The following CALN1 variants were observed in gnomAD, a reference collection of about 807,000 sequenced individuals.
CALN1 encodes calcium-binding protein 8.
A neutral mutation model predicts 30.6 loss-of-function variants in CALN1; 17 were observed. The ratio of observed to expected loss-of-function variants is 0.56; its 90% CI spans 0.38 to 0.83. CALN1 has a LOEUF of 0.83. Among genes scored for constraint, CALN1 ranks in the 40% least tolerant of loss-of-function variants. The pLI is 0.00. For missense variants in CALN1, 291 were observed against 354.9 expected, an observed-to-expected ratio of 0.82 and a Z score of 1.45; for synonymous variants, 156 against 131.4, an observed-to-expected ratio of 1.19 and a Z score of -1.28.
chr7:72,233,779 G>A (rs472884), intron 3 of CALN1, among the ~76,000 whole-genome samples: 1,631 of 152,180 alleles, frequency 0.011, 27 homozygotes, highest in African/African-American at 0.037. Context: ...CGAGGCAGGC[G>A]GATAATCTGA....
At chr7:72,326,211 A>G (rs1801266169) in intron 2 of CALN1, among the ~76,000 whole-genome samples, 1 of 152,074 alleles carries the variant, frequency 6.6e-6, no homozygotes, top group Admixed American at 6.6e-5. Context: ...CCTTAATTTA[A>G]CTATTGAAAG....
At position 72,027,608 on chromosome 7, in the gene CALN1, C is replaced by T. The variant is rs538313483; in HGVS notation, c.389-3839G>A. On this transcript the variant is annotated intron_variant, in intron 4 of 6. Coordinates refer to ENST00000395275, the MANE Select transcript of CALN1 (RefSeq NM_031468.4). ...CACCTGTAGTCCCAGCTACGTGGGA[C>T]GCAGAAGCAGGAAAATCACTTGAGC... Among the ~76,000 whole-genome samples, 179 of 148,122 alleles carry T rather than the reference C, an allele frequency of 1.2e-3. 1 individual carries two copies. Among genetic ancestry groups the T allele is most frequent in the African/African-American group, 4.0e-3 (160 of 40,226 alleles).
At chr7:72,402,833 G>C (rs1167275474) in intron 2 of CALN1, among the ~76,000 whole-genome samples, 1 of 152,184 alleles carries the variant, frequency 6.6e-6, no homozygotes. Flanking sequence ...TGTGATCTCA[G>C]TCAAGCTGCC....
At chr7:72,246,758 T>TTTC in intron 3 of CALN1, among the ~76,000 whole-genome samples, 1 of 146,456 alleles carries the variant, frequency 6.8e-6, no homozygotes, top group East Asian at 2.0e-4. Context: ...GAACAATTTT[T>TTTC]TTTTTTTTTT....
intron 4 of CALN1, among the ~76,000 whole-genome samples, chr7:72,093,062 T>C (rs767966772): frequency 1.6e-4 from 25 of 152,046 alleles, no homozygotes; most frequent in Non-Finnish European, 3.2e-4. Context: ...CTGAAACAGC[T>C]CTGAAAACAA....
chr7:72,130,942 G>C (rs1299732763), intron 3 of CALN1, among the ~76,000 whole-genome samples: 2 of 152,282 alleles, frequency 1.3e-5, no homozygotes, highest in East Asian at 1.9e-4. Context: ...CAAAGAGCTT[G>C]TCTCAATCAG....
intron 3 of CALN1, among the ~76,000 whole-genome samples, chr7:72,154,051 T>C (rs942316431): frequency 2.0e-5 from 3 of 152,070 alleles, no homozygotes; most frequent in Non-Finnish European, 2.9e-5. Context: ...AGACTGGATC[T>C]CATGATGAGA....
At chr7:72,199,271 T>C (rs1791248862) in intron 3 of CALN1, among the ~76,000 whole-genome samples, 1 of 152,046 alleles carries the variant, frequency 6.6e-6, no homozygotes, top group African/African-American at 2.4e-5. Flanking sequence ...CGAGACCCTG[T>C]CTCAAACAAC....
intron 4 of CALN1, among the ~76,000 whole-genome samples, chr7:72,056,210 A>T (rs1259908125): frequency 6.6e-6 from 1 of 152,200 alleles, no homozygotes; most frequent in Admixed American, 6.6e-5. Context: ...TCCCTATGGA[A>T]TTTTTTTGGA....
intron 5 of CALN1, among the ~76,000 whole-genome samples, chr7:71,817,935 A>G (rs1034370021): frequency 6.6e-6 from 1 of 152,098 alleles, no homozygotes; most frequent in African/African-American, 2.4e-5. Context: ...AAGTCTGTGA[A>G]GAAAACTTGT....
intron 2 of CALN1, among the ~76,000 whole-genome samples, chr7:72,301,463 C>T (rs1347038766): frequency 6.6e-6 from 1 of 151,946 alleles, no homozygotes; most frequent in Admixed American, 6.6e-5. Context: ...CAAAAATTAG[C>T]CTGGCTTGGT....
chr7:72,115,862 T>A (rs1807949252), intron 3 of CALN1, among the ~76,000 whole-genome samples: 1 of 151,902 alleles, frequency 6.6e-6, no homozygotes, highest in South Asian at 2.1e-4. Flanking sequence ...CAACCTACTC[T>A]CTATTTTCAT....
intron 3 of CALN1, among the ~76,000 whole-genome samples, chr7:72,130,016 A>G (rs1178677692): frequency 6.6e-6 from 1 of 152,090 alleles, no homozygotes; most frequent in Non-Finnish European, 1.5e-5. Context: ...TTGCTTTATT[A>G]GTTCTCTCAA....
chr7:72,174,536 T>C (rs894696471), intron 3 of CALN1, among the ~76,000 whole-genome samples: 3 of 152,124 alleles, frequency 2.0e-5, no homozygotes, highest in African/African-American at 7.2e-5. Context: ...GATGGATAAA[T>C]TGTGGAATAT....
At chr7:72,286,358 G>A (rs1017059026) in intron 2 of CALN1, among the ~76,000 whole-genome samples, 2 of 152,154 alleles carry the variant, frequency 1.3e-5, no homozygotes, top group African/African-American at 4.8e-5. Flanking sequence ...AGGTGGCTAG[G>A]AATGGAAGGT....
chr7:72,344,601 A>G (rs888393505), intron 2 of CALN1, among the ~76,000 whole-genome samples: 5 of 146,686 alleles, frequency 3.4e-5, no homozygotes, highest in African/African-American at 1.2e-4. Flanking sequence ...GTAAATATAT[A>G]TTTATGTATT....
chr7:72,486,112 C>A, the CALN1 span, among the ~76,000 whole-genome samples: 23 of 152,130 alleles, frequency 1.5e-4, no homozygotes, highest in Non-Finnish European at 3.1e-4. Flanking sequence ...AGCTGCAAAC[C>A]TGTACAGCAA....
chr7:72,241,789 T>G (rs760820503), intron 3 of CALN1, among the ~76,000 whole-genome samples: 1 of 152,116 alleles, frequency 6.6e-6, no homozygotes, highest in Non-Finnish European at 1.5e-5. Context: ...CAGCCATGCC[T>G]CTTTAGTTTG....
chr7:72,492,136 G>A, the CALN1 span, among the ~76,000 whole-genome samples: 9 of 152,168 alleles, frequency 5.9e-5, no homozygotes, highest in African/African-American at 2.2e-4. Flanking sequence ...AGAGGTAGCC[G>A]ACAGGTAAGA....
Sources: gnomAD v4.1 joint callset for allele counts (sites outside exome capture counted in the v4.1 genomes callset) on GRCh38, gnomAD v4.1.1 for gene constraint, MANE v1.5 for transcripts, NCBI Gene and HGNC (gene_info 2026-07-23, HGNC 2026-07-21) for gene names.